SPECC1L: variants seen among roughly 807,000 people sequenced by gnomAD.
SPECC1L encodes the protein sperm antigen with calponin homology and coiled-coil domains 1 like.
A neutral mutation model predicts 116.8 loss-of-function variants in SPECC1L; 40 were observed. That is an observed-to-expected ratio of 0.34 (90% CI 0.27 to 0.45). SPECC1L has a LOEUF of 0.45. Ranked by LOEUF, SPECC1L falls within the 20% of genes least tolerant of loss-of-function variation. The pLI is 1.00. For missense variants in SPECC1L, 1,110 were observed against 1,373.6 expected (o/e 0.81, Z 3.03); for synonymous variants, 504 against 500.6 (o/e 1.01, Z -0.09).
At chr22:24,363,117 T>G in intron 11 of SPECC1L, 144 bp from the exon 12 acceptor site, 1 of 738,570 alleles carries the variant, frequency 1.4e-6, no homozygotes, top group South Asian at 1.5e-5. Flanking sequence ...ATAAACAGAC[T>G]ATGGGAAATT....
chr22:24,356,240 C>T (rs544888060), intron 11 of SPECC1L, among the ~76,000 whole-genome samples: 3 of 152,194 alleles, frequency 2.0e-5, no homozygotes, highest in South Asian at 2.1e-4. Context: ...TCTGTCTGCT[C>T]GTTTCTAGGA....
intron 10 of SPECC1L, among the ~76,000 whole-genome samples, chr22:24,342,603 G>T (rs2041199210): frequency 6.6e-6 from 1 of 151,762 alleles, no homozygotes; most frequent in African/African-American, 2.4e-5. Context: ...AACCCAGGAG[G>T]GGGAGGTTGC....
At chr22:24,383,752 T>C (rs148448425) in intron 14 of SPECC1L, among the ~76,000 whole-genome samples, 17 of 149,776 alleles carry the variant, frequency 1.1e-4, no homozygotes, top group Non-Finnish European at 2.5e-4. Flanking sequence ...TGCTCCTGCC[T>C]TAACCTGTTG....
In SPECC1L at chr22:24,307,740, T is replaced by G. The variant is rs150013294; in HGVS notation, c.153+5356T>G. Among the ~76,000 whole-genome samples, 615 of 152,196 alleles carry G rather than the reference T, an allele frequency of 4.0e-3. 7 individuals carry two copies. The highest frequency in any genetic ancestry group is 0.014 in the African/African-American group (574 of 41,520). ...TTTTTGTAGAAACAAGGTCTCACTATGTTGCCCAGGCTTGTCTCAATCTCC... is the reference window on the plus strand; with the variant it reads ...TTTTTGTAGAAACAAGGTCTCACTAGGTTGCCCAGGCTTGTCTCAATCTCC... On this transcript the variant is annotated intron_variant, in intron 3 of 16. Coordinates refer to ENST00000314328, the MANE Select transcript of SPECC1L (RefSeq NM_015330.6).
intron 3 of SPECC1L, among the ~76,000 whole-genome samples, chr22:24,308,679 T>A: frequency 6.6e-6 from 1 of 152,132 alleles, no homozygotes; most frequent in Admixed American, 6.6e-5. Context: ...CTTTTCACCC[T>A]GGTTTTAGCA....
chr22:24,357,826 T>C (rs60648031), intron 11 of SPECC1L, among the ~76,000 whole-genome samples: 1 of 152,362 alleles, frequency 6.6e-6, no homozygotes, highest in East Asian at 1.9e-4. Context: ...GGCTGTCCTT[T>C]GCATTTCATC....
chr22:24,333,440 TAGTC>T (rs1401910178), intron 8 of SPECC1L, among the ~76,000 whole-genome samples: 1 of 152,186 alleles, frequency 6.6e-6, no homozygotes, highest in East Asian at 1.9e-4. Flanking sequence ...AATTCTGTGT[TAGTC>T]AGCGTAGTGA....
At chr22:24,405,732 CA>C (rs1310216007) in intron 14 of SPECC1L, among the ~76,000 whole-genome samples, 1 of 151,532 alleles carries the variant, frequency 6.6e-6, no homozygotes, top group Non-Finnish European at 1.5e-5. Flanking sequence ...CCCAGCTACT[CA>C]GGAGGCTGAT....
intron 14 of SPECC1L, among the ~76,000 whole-genome samples, chr22:24,390,872 C>CTTTTTTTTTTTTTTTTTTTTTTTTTT (rs1016008966): frequency 7.0e-5 from 4 of 57,112 alleles, no homozygotes; most frequent in Admixed American, 2.5e-4. Context: ...TTTTTCTTTT[C>CTTTTTTTTTTTTTTTTTTTTTTTTTT]TTTTTTTTTT....
chr22:24,357,662 G>C (rs757293366), intron 11 of SPECC1L, among the ~76,000 whole-genome samples: 2 of 152,142 alleles, frequency 1.3e-5, no homozygotes, highest in Non-Finnish European at 2.9e-5. Context: ...GAGTTAATCT[G>C]CTCAGGAGCT....
intron 11 of SPECC1L, among the ~76,000 whole-genome samples, chr22:24,360,346 G>A (rs1356409798): frequency 1.3e-5 from 2 of 152,202 alleles, no homozygotes; most frequent in African/African-American, 2.4e-5. Flanking sequence ...CAGCAGCCTG[G>A]ATTGTGGCTG....
At chr22:24,300,118 C>G (rs2049347423) in intron 2 of SPECC1L, among the ~76,000 whole-genome samples, 1 of 152,178 alleles carries the variant, frequency 6.6e-6, no homozygotes, top group Admixed American at 6.5e-5. Flanking sequence ...GACCCATCCT[C>G]TAAGTTCTCT....
At chr22:24,381,406 A>G (rs1256135117) in intron 14 of SPECC1L, among the ~76,000 whole-genome samples, 4 of 152,226 alleles carry the variant, frequency 2.6e-5, no homozygotes, top group Non-Finnish European at 4.4e-5. Flanking sequence ...ATCTCAGATT[A>G]ACATTGAGAA....
At chr22:24,319,348 C>G (rs2040671306) in intron 4 of SPECC1L, among the ~76,000 whole-genome samples, 1 of 152,166 alleles carries the variant, frequency 6.6e-6, no homozygotes, top group South Asian at 2.1e-4. Flanking sequence ...AGGGGAAGCC[C>G]CTTACCATCG....
At chr22:24,353,146 T>C (rs1323224504) in intron 11 of SPECC1L, among the ~76,000 whole-genome samples, 1 of 152,208 alleles carries the variant, frequency 6.6e-6, no homozygotes, top group Non-Finnish European at 1.5e-5. Flanking sequence ...AAGAAATTAA[T>C]AGCAGTAAAA....
At position 24,369,313 on chromosome 22, in the gene SPECC1L, G is replaced by A; in HGVS notation, c.3080G>A (p.Gly1027Asp). 3 of 1,611,930 alleles carry A rather than the reference G, an allele frequency of 1.9e-6. No individual in the cohort carries two copies. The highest frequency in any genetic ancestry group is 1.3e-5 in the African/African-American group (1 of 74,990). ...LLKWCQKKTE[G>D]YQNIDITNFS... ...AAGTGGTGTCAGAAGAAAACAGAAG[G>A]CTATCAGGTAATCATATGATTCTTT... The change falls in exon 14 of 17, where the codon GGC becomes GAC. Residue 1027 changes from glycine (G) to aspartate (D), a missense_variant. This residue lies in a region of SPECC1L where 76 missense variants were observed against 148.5 expected (regional missense o/e 0.51). Transcript: ENST00000314328.
intron 3 of SPECC1L, among the ~76,000 whole-genome samples, chr22:24,310,558 T>C (rs1356100175): frequency 3.3e-5 from 5 of 152,202 alleles, no homozygotes; most frequent in African/African-American, 1.2e-4. Flanking sequence ...TGCTGCTTAA[T>C]TTGCATTTCT....
In SPECC1L at chr22:24,367,936, G is replaced by A. The variant is rs539171638; in HGVS notation, c.2985-1282G>A. ...AGCACAGGCTACTAGTCAAGCTGCC[G>A]GTTACATTACACAGCACTCCCTTTC... On this transcript the variant is annotated intron_variant, in intron 13 of 16. Coordinates refer to ENST00000314328, the MANE Select transcript of SPECC1L (RefSeq NM_015330.6). Among the ~76,000 whole-genome samples the A allele has an allele frequency of 1.2e-4, 18 of 152,228 alleles. No individual in the cohort carries two copies. In the East Asian group the frequency reaches 2.9e-3, roughly 25 times the overall value.
intron 11 of SPECC1L, among the ~76,000 whole-genome samples, chr22:24,353,666 C>T (rs2041470828): frequency 6.6e-6 from 1 of 151,878 alleles, no homozygotes; most frequent in Non-Finnish European, 1.5e-5. Context: ...CCTCGACCTC[C>T]CACAGTGCTA....
Sources: allele counts gnomAD v4.1 joint callset (sites outside exome capture counted in the v4.1 genomes callset), GRCh38; gene constraint gnomAD v4.1.1; regional missense constraint gnomAD v4.1.1; transcripts MANE v1.5; gene names NCBI Gene and HGNC (gene_info 2026-07-23, HGNC 2026-07-21).